Variants in TMEFF2 observed in about 807,000 individuals in gnomAD.
The protein encoded by TMEFF2 is tomoregulin-2.
TMEFF2 carries 28 observed loss-of-function variants against 53.8 expected under a neutral mutation model. That is an observed-to-expected ratio of 0.52 (90% CI 0.39 to 0.71). The LOEUF is 0.71. Among genes scored for constraint, TMEFF2 ranks in the 30% least tolerant of loss-of-function variants. TMEFF2 has a pLI of 0.00. For missense variants in TMEFF2, 353 were observed against 455.2 expected (o/e 0.78, Z 2.04); for synonymous variants, 162 against 166.3 (o/e 0.97, Z 0.20).
intron 4 of TMEFF2, among the ~76,000 whole-genome samples, chr2:192,098,290 G>T (rs1000537250): frequency 6.6e-6 from 1 of 152,114 alleles, no homozygotes; most frequent in Non-Finnish European, 1.5e-5. Flanking sequence ...GTTTGAAAAA[G>T]AATATTTAAA....
At chr2:192,131,115 A>G (rs370734759) in intron 4 of TMEFF2, among the ~76,000 whole-genome samples, 179 of 7,784 alleles carry the variant, frequency 0.023, 6 homozygotes, top group Admixed American at 0.031. Context: ...TTCTGGGAAA[A>G]GGGCAAGTAC....
chr2:192,092,927 G>C (rs1022137549), intron 4 of TMEFF2, among the ~76,000 whole-genome samples: 20 of 152,064 alleles, frequency 1.3e-4, no homozygotes, highest in Admixed American at 1.2e-3. Flanking sequence ...ATTCATTTTG[G>C]ACTTCTGACA....
chr2:192,085,988 G>C (rs1407516211), intron 4 of TMEFF2, among the ~76,000 whole-genome samples: 1 of 152,140 alleles, frequency 6.6e-6, no homozygotes, highest in African/African-American at 2.4e-5. Context: ...ACCTTTTTCT[G>C]TGTGTCAATT....
intron 4 of TMEFF2, among the ~76,000 whole-genome samples, chr2:192,169,703 A>G (rs573659284): frequency 6.6e-6 from 1 of 152,206 alleles, no homozygotes. Flanking sequence ...GAAATATACT[A>G]TTGGTGGAGG....
At chr2:192,056,073 C>A (rs984358790) in intron 5 of TMEFF2, among the ~76,000 whole-genome samples, 2 of 152,098 alleles carry the variant, frequency 1.3e-5, no homozygotes, top group African/African-American at 4.8e-5. Context: ...ATTTTAAGTG[C>A]AGACTGTTTT....
At chr2:192,004,663 A>C (rs1686455957) in intron 5 of TMEFF2, among the ~76,000 whole-genome samples, 1 of 152,186 alleles carries the variant, frequency 6.6e-6, no homozygotes, top group African/African-American at 2.4e-5. Context: ...AGAAAAAGAA[A>C]AAAGGTAGCA....
chr2:191,998,420 A>G lies in TMEFF2; in HGVS notation c.686-99T>C. On this transcript the variant is annotated intron_variant, in intron 6 of 9. Coordinates refer to ENST00000272771, the MANE Select transcript of TMEFF2 (RefSeq NM_016192.4). ...TCCAACAATATCTTCATTGCAATTA[A>G]GGAATTTTTACAACTGTAGTTCTAA... is the stretch of plus-strand genomic sequence containing the variant. 3 of 859,288 alleles carry G rather than the reference A, an allele frequency of 3.5e-6. No homozygotes were observed. The South Asian group carries it at 5.5e-5, about 16-fold the overall frequency. 53.2% of individuals were successfully genotyped at this position (859,288 alleles called of 1,614,324 possible). A position where few individuals can be genotyped will look rare whatever the true frequency, so the allele number is the denominator to read the frequency against.
At chr2:191,988,020 G>A (rs899759792) in intron 7 of TMEFF2, among the ~76,000 whole-genome samples, 7 of 152,208 alleles carry the variant, frequency 4.6e-5, no homozygotes, top group South Asian at 2.1e-4. Flanking sequence ...TCCTGAGTAC[G>A]TATCAATTCA....
intron 4 of TMEFF2, chr2:192,178,672 T>A (rs975112474): frequency 3.3e-5 from 5 of 151,260 alleles, no homozygotes; most frequent in African/African-American, 9.7e-5. Context: ...ACTTGATAAA[T>A]CTTTCAAGTG....
intron 5 of TMEFF2, chr2:192,035,489 C>A (rs1559095180): frequency 1.3e-5 from 2 of 152,192 alleles, no homozygotes; most frequent in African/African-American, 2.4e-5. Flanking sequence ...TGGAAGATGG[C>A]AGCTCCTCAG....
At chr2:191,954,895 T>C (rs1692016774) in intron 8 of TMEFF2, among the ~76,000 whole-genome samples, 1 of 152,020 alleles carries the variant, frequency 6.6e-6, no homozygotes, top group Non-Finnish European at 1.5e-5. Flanking sequence ...TTAAAGAGGA[T>C]CAACATATCA....
chr2:192,113,719 TCAAA>T (rs1470812132), intron 4 of TMEFF2, among the ~76,000 whole-genome samples: 3 of 152,178 alleles, frequency 2.0e-5, no homozygotes, highest in Non-Finnish European at 2.9e-5. Flanking sequence ...ATAAAAGTTC[TCAAA>T]CAGTGAGTTT....
intron 7 of TMEFF2, among the ~76,000 whole-genome samples, chr2:191,988,775 AAG>A (rs1686036782): frequency 7.2e-6 from 1 of 139,406 alleles, no homozygotes; most frequent in South Asian, 2.5e-4. Context: ...GAAGATGTGA[AAG>A]AAAGATTAAG....
At chr2:191,957,449 T>C (rs1007515134) in intron 7 of TMEFF2, among the ~76,000 whole-genome samples, 1 of 152,232 alleles carries the variant, frequency 6.6e-6, no homozygotes, top group African/African-American at 2.4e-5. Flanking sequence ...CCTATTTTTA[T>C]GAAATGGTTT....
chr2:192,188,412 G>A (rs981414198), intron 2 of TMEFF2, among the ~76,000 whole-genome samples: 10 of 152,196 alleles, frequency 6.6e-5, no homozygotes, highest in African/African-American at 2.2e-4. Flanking sequence ...CTGACAGTCA[G>A]ACATATGAGT....
chr2:192,072,667 T>C (rs956808063), intron 4 of TMEFF2, among the ~76,000 whole-genome samples: 5 of 151,954 alleles, frequency 3.3e-5, no homozygotes, highest in African/African-American at 7.2e-5. Flanking sequence ...TTGTGAAATA[T>C]TGATATGTAG....
intron 4 of TMEFF2, among the ~76,000 whole-genome samples, chr2:192,062,617 T>C (rs928002598): frequency 2.6e-5 from 4 of 152,130 alleles, no homozygotes; most frequent in Non-Finnish European, 5.9e-5. Context: ...TTTAATATAT[T>C]TTGGGTACAA....
intron 5 of TMEFF2, among the ~76,000 whole-genome samples, chr2:192,042,487 G>A (rs191050120): frequency 2.1e-4 from 32 of 152,244 alleles, no homozygotes; most frequent in Admixed American, 3.3e-4. Context: ...AGTGAAATCC[G>A]TGAAGAGGTG....
Position 192,194,011 on chromosome 2 carries a change from TTC to T in TMEFF2, c.172+340_172+341del, listed in dbSNP as rs1322816942. Among the ~76,000 whole-genome samples, 1 of 152,218 alleles carries T rather than the reference TTC, an allele frequency of 6.6e-6. No homozygotes were observed. Among genetic ancestry groups the T allele is most frequent in the African/African-American group, 2.4e-5 (1 of 41,460 alleles). On this transcript the variant is annotated intron_variant, in intron 1 of 9. Coordinates refer to ENST00000272771, the MANE Select transcript of TMEFF2 (RefSeq NM_016192.4). This position sits in a 1 kb window ranked among gnomAD's most constrained non-coding sequence, Gnocchi z 4.2. ...CTTTTTTCTTTAATGATGACAAAGCTTCTGTTTCAGTGTTTCCCCTAGGATTG... is the reference window on the plus strand; with the variant it reads ...CTTTTTTCTTTAATGATGACAAAGCTTGTTTCAGTGTTTCCCCTAGGATTG...
Sources: gnomAD v4.1 joint callset for allele counts (sites outside exome capture counted in the v4.1 genomes callset) on GRCh38, gnomAD v4.1.1 for gene constraint, Gnocchi (gnomAD v3.1) non-coding constraint, MANE v1.5 for transcripts, NCBI Gene and HGNC (gene_info 2026-07-23, HGNC 2026-07-21) for gene names.